CARMIL1: variants seen among roughly 807,000 people sequenced by gnomAD.
The protein encoded by CARMIL1 is capping protein regulator and myosin 1 linker 1.
In CARMIL1, 90 loss-of-function variants were observed where a neutral mutation model predicts 177.1. The ratio of observed to expected loss-of-function variants is 0.51; its 90% confidence interval spans 0.43 to 0.61. The LOEUF is 0.61. Among genes scored for constraint, CARMIL1 ranks in the 20% least tolerant of loss-of-function variants. The pLI is 0.00. For synonymous variants in CARMIL1, 577 were observed against 606.2 expected (o/e 0.95, Z 0.71); for missense variants, 1,380 against 1,667.0 (o/e 0.83, Z 3.00).
chr6:25,432,139 T>C (rs1002996344), intron 4 of CARMIL1, among the ~76,000 whole-genome samples: 4 of 152,228 alleles, frequency 2.6e-5, no homozygotes, highest in African/African-American at 9.6e-5. Context: ...GTTTGTTTTT[T>C]TAACAAGTGC....
intron 36 of CARMIL1, among the ~76,000 whole-genome samples, chr6:25,616,736 GCAGT>G (rs1816920704): frequency 6.6e-6 from 1 of 152,178 alleles, no homozygotes; most frequent in Admixed American, 6.5e-5. Context: ...TTAATTACAT[GCAGT>G]CAAATAGATG....
At chr6:25,480,412 C>T (rs1582095108) in intron 11 of CARMIL1, among the ~76,000 whole-genome samples, 1 of 151,688 alleles carries the variant, frequency 6.6e-6, no homozygotes, top group African/African-American at 2.4e-5. Flanking sequence ...TGAAATATTC[C>T]ATTTATCTTT....
At chr6:25,520,519 A>G (rs1258532593) in intron 23 of CARMIL1, among the ~76,000 whole-genome samples, 182 bp downstream of exon 23, 1 of 152,166 alleles carries the variant, frequency 6.6e-6, no homozygotes, top group East Asian at 1.9e-4. Context: ...GGAGGAGTAA[A>G]CTAAGGAACA....
At chr6:25,298,057 A>G (rs1782565019) in intron 2 of CARMIL1, among the ~76,000 whole-genome samples, 1 of 152,164 alleles carries the variant, frequency 6.6e-6, no homozygotes, top group Non-Finnish European at 1.5e-5. Context: ...TACTTTCTTC[A>G]TCTGTAAAAT....
At chr6:25,423,244 C>T (rs936004704) in intron 3 of CARMIL1, among the ~76,000 whole-genome samples, 5 of 152,104 alleles carry the variant, frequency 3.3e-5, no homozygotes, top group African/African-American at 1.2e-4. Flanking sequence ...AAATATACAA[C>T]ATATATAGTC....
chr6:25,314,336 G>C (rs113582963), intron 2 of CARMIL1, among the ~76,000 whole-genome samples: 19,742 of 146,622 alleles, frequency 0.13, 2,055 homozygotes, highest in East Asian at 0.38. Context: ...AGCTGGGTGT[G>C]GTGGCACGTG....
At position 25,610,147 on chromosome 6, in the gene CARMIL1, C is replaced by T. The variant is rs1816384386; in HGVS notation, c.3945C>T (p.Ser1315=). 8 of 1,613,646 alleles carry T rather than the reference C, an allele frequency of 5.0e-6. No homozygotes were observed. The highest frequency in any genetic ancestry group is 1.3e-5 in the African/African-American group (1 of 74,874). ...PSDKERDGQS[S]PQPSPRTFSQ... ...ACAAAGAGAGAGATGGCCAGAGTAG[C>T]CCCCAGCCCAGCCCCAGGACATTTT... is the stretch of plus-strand genomic sequence containing the variant. Residue 1315 remains serine (S), a synonymous_variant, in exon 36 of 37, where the codon AGC becomes AGT. Coordinates refer to ENST00000329474, the MANE Select transcript of CARMIL1 (RefSeq NM_017640.6).
chr6:25,451,986 G>GCCACCCCC, intron 8 of CARMIL1: 2 of 112,672 alleles, frequency 1.8e-5, no homozygotes, highest in Non-Finnish European at 1.7e-5. Flanking sequence ...CTAGCATCTT[G>GCCACCCCC]CCCCCCCCTC....
chr6:25,561,452 C>T (rs758072487), intron 29 of CARMIL1, among the ~76,000 whole-genome samples: 18 of 152,056 alleles, frequency 1.2e-4, no homozygotes, highest in Admixed American at 6.6e-4. Flanking sequence ...GCAGTTTGTC[C>T]GCTTATTGCT....
chr6:25,397,227 A>T (rs1463871461), intron 2 of CARMIL1, among the ~76,000 whole-genome samples: 1 of 152,194 alleles, frequency 6.6e-6, no homozygotes, highest in Admixed American at 6.5e-5. Context: ...CCCCCAAAAA[A>T]ACCCTTTATT....
intron 2 of CARMIL1, among the ~76,000 whole-genome samples, chr6:25,287,048 A>G (rs1315678452): frequency 6.6e-6 from 1 of 152,250 alleles, no homozygotes; most frequent in African/African-American, 2.4e-5. Flanking sequence ...AGGAATTATT[A>G]ATAGAAATAC....
At chr6:25,379,869 A>G (rs1289156922) in intron 2 of CARMIL1, among the ~76,000 whole-genome samples, 1 of 152,150 alleles carries the variant, frequency 6.6e-6, no homozygotes, top group Non-Finnish European at 1.5e-5. Flanking sequence ...ACATTTACTC[A>G]ATATGTGAAG....
intron 29 of CARMIL1, chr6:25,563,895 C>T (rs1228151966): frequency 2.0e-6 from 2 of 984,920 alleles, no homozygotes; most frequent in Non-Finnish European, 2.4e-6. Context: ...CAGGTTACAT[C>T]TTTCAAACCT....
At chr6:25,495,726 C>T (rs1803642585) in intron 16 of CARMIL1, among the ~76,000 whole-genome samples, 1 of 152,122 alleles carries the variant, frequency 6.6e-6, no homozygotes. Flanking sequence ...TGGCAGCCAA[C>T]TTATGGGTTA....
intron 32 of CARMIL1, among the ~76,000 whole-genome samples, chr6:25,596,192 TA>T (rs774958227): frequency 5.0e-5 from 6 of 119,468 alleles, no homozygotes; most frequent in Non-Finnish European, 9.1e-5. Flanking sequence ...ATTTTTTTTA[TA>T]AAGATACTGC....
At chr6:25,353,358 A>G (rs1341195046) in intron 2 of CARMIL1, among the ~76,000 whole-genome samples, 2 of 152,162 alleles carry the variant, frequency 1.3e-5, no homozygotes, top group African/African-American at 4.8e-5. Flanking sequence ...TGCTGTCCCA[A>G]AGTCTCAGAT....
chr6:25,405,727 G>T lies in CARMIL1; in HGVS notation c.139-14387G>T, dbSNP rs542213095. Among the ~76,000 whole-genome samples the T allele has an allele frequency of 7.2e-5, 11 of 152,316 alleles. No individual in the cohort carries two copies. The Middle Eastern group carries it at 0.01, about 141-fold the overall frequency. On this transcript the variant is annotated intron_variant, in intron 2 of 36. Transcript: ENST00000329474. ...GTTCTATTTCTTTTCCTTTTGGCAG[G>T]TGAGTTGGGAATTAGCTAGTAGATC...
At chr6:25,293,881 C>T (rs895809003) in intron 2 of CARMIL1, among the ~76,000 whole-genome samples, 2 of 152,296 alleles carry the variant, frequency 1.3e-5, no homozygotes, top group Admixed American at 6.5e-5. Flanking sequence ...GCTGCCCCAC[C>T]TGGCTAATTT....
At chr6:25,472,738 G>T in intron 11 of CARMIL1, 1 of 529,138 alleles carries the variant, frequency 1.9e-6, no homozygotes, top group Non-Finnish European at 3.3e-6. Flanking sequence ...CAAAAGGAAA[G>T]GAAGATATTA....
Sources: gnomAD v4.1 joint callset for allele counts (sites outside exome capture counted in the v4.1 genomes callset) on GRCh38, gnomAD v4.1.1 for gene constraint, MANE v1.5 for transcripts, NCBI Gene and HGNC (gene_info 2026-07-23, HGNC 2026-07-21) for gene names.